The following POFUT3 variants were observed in gnomAD, a reference collection of about 807,000 sequenced individuals.
The protein encoded by POFUT3 is protein O-fucosyltransferase 3, also known as GDP-fucose protein O-fucosyltransferase 3.
the POFUT3 span, among the ~76,000 whole-genome samples, chr8:33,318,541 G>A: frequency 9.7e-6 from 1 of 103,598 alleles, no homozygotes; most frequent in African/African-American, 4.2e-5. Flanking sequence ...AATATAATTA[G>A]CTATTTTATA....
the POFUT3 span, among the ~76,000 whole-genome samples, chr8:33,442,186 C>T: frequency 6.6e-6 from 1 of 151,998 alleles, no homozygotes; most frequent in Non-Finnish European, 1.5e-5. Flanking sequence ...AGGCTTATCT[C>T]GAACTCCTGA....
chr8:33,322,963 A>G, the POFUT3 span, among the ~76,000 whole-genome samples: 1 of 151,784 alleles, frequency 6.6e-6, no homozygotes, highest in African/African-American at 2.4e-5. Context: ...TTCAAAGACA[A>G]CTAAGTGTTT....
chr8:33,364,400 T>C, the POFUT3 span, among the ~76,000 whole-genome samples: 3 of 152,202 alleles, frequency 2.0e-5, no homozygotes, highest in African/African-American at 7.2e-5. Flanking sequence ...CTATTCAATA[T>C]ACTGTTGGAA....
the POFUT3 span, among the ~76,000 whole-genome samples, chr8:33,431,814 G>T: frequency 6.6e-6 from 1 of 151,888 alleles, no homozygotes; most frequent in African/African-American, 2.4e-5. Flanking sequence ...AATAACAAGA[G>T]ATAAAACCAA....
the POFUT3 span, among the ~76,000 whole-genome samples, chr8:33,419,703 G>A: frequency 1.6e-4 from 24 of 152,264 alleles, no homozygotes; most frequent in Non-Finnish European, 3.2e-4. Context: ...ATTATGTATC[G>A]ATAAAAAGAA....
chr8:33,456,759 ATTTTC>A, the POFUT3 span, among the ~76,000 whole-genome samples: 1 of 139,236 alleles, frequency 7.2e-6, no homozygotes, highest in African/African-American at 2.7e-5. Context: ...AAAGCCTTTT[ATTTTC>A]TTTTTTCTTT....
chr8:33,433,515 G>A, the POFUT3 span, among the ~76,000 whole-genome samples: 1 of 152,150 alleles, frequency 6.6e-6, no homozygotes, highest in Non-Finnish European at 1.5e-5. Context: ...AGGAGGCTGA[G>A]GCAGGAGAAT....
At chr8:33,357,704 T>C in the POFUT3 span, among the ~76,000 whole-genome samples, 33 of 152,176 alleles carry the variant, frequency 2.2e-4, no homozygotes, top group African/African-American at 8.0e-4. Context: ...CACGTGCACA[T>C]ACACATGCAG....
the POFUT3 span, among the ~76,000 whole-genome samples, chr8:33,364,072 A>G: frequency 5.3e-3 from 812 of 152,300 alleles, 7 homozygotes; most frequent in African/African-American, 0.018. Flanking sequence ...CTTATCCACC[A>G]TGATCAAGTT....
At chr8:33,309,524 AACTCGAG>A in the POFUT3 span, among the ~76,000 whole-genome samples, 2 of 151,952 alleles carry the variant, frequency 1.3e-5, no homozygotes, top group Admixed American at 1.3e-4. Flanking sequence ...AAGAACCCTG[AACTCGAG>A]TCTTCTTCTC....
the POFUT3 span, among the ~76,000 whole-genome samples, chr8:33,434,323 C>T: frequency 6.6e-6 from 1 of 152,042 alleles, no homozygotes; most frequent in Non-Finnish European, 1.5e-5. Flanking sequence ...CTTGCAGGAC[C>T]CTCTTGAATC....
the POFUT3 span, chr8:33,453,008 A>T: frequency 3.7e-6 from 2 of 534,408 alleles, no homozygotes; most frequent in Non-Finnish European, 6.6e-6. Context: ...GGTGTTAGAG[A>T]ATTCAGAAGC....
chr8:33,392,696 C>G, the POFUT3 span, among the ~76,000 whole-genome samples: 2 of 151,698 alleles, frequency 1.3e-5, no homozygotes, highest in African/African-American at 4.8e-5. Flanking sequence ...GAACCATGAC[C>G]AACCTGGCCA....
chr8:33,362,381 C>G, the POFUT3 span, among the ~76,000 whole-genome samples: 1 of 152,032 alleles, frequency 6.6e-6, no homozygotes, highest in African/African-American at 2.4e-5. Context: ...AAATAACCAG[C>G]GAACATCATA....
At chr8:33,365,587 T>C in the POFUT3 span, among the ~76,000 whole-genome samples, 1 of 151,922 alleles carries the variant, frequency 6.6e-6, no homozygotes, top group Non-Finnish European at 1.5e-5. Context: ...CATCAAAAAG[T>C]GGACAAAGGA....
chr8:33,397,268 A>C, the POFUT3 span, among the ~76,000 whole-genome samples: 6 of 152,200 alleles, frequency 3.9e-5, no homozygotes, highest in Non-Finnish European at 8.8e-5. Flanking sequence ...TTCTTTCAAT[A>C]ATAAGAAAAA....
chr8:33,335,221 C>A, the POFUT3 span, among the ~76,000 whole-genome samples: 1 of 150,726 alleles, frequency 6.6e-6, no homozygotes, highest in Non-Finnish European at 1.5e-5. Context: ...AAGATTGCAG[C>A]ACAGTAATGA....
chr8:33,380,089 A>AC, the POFUT3 span, among the ~76,000 whole-genome samples: 4 of 57,154 alleles, frequency 7.0e-5, no homozygotes, highest in African/African-American at 3.5e-4. Context: ...TATATATACT[A>AC]TATATATACA....
At chr8:33,418,858 T>A in the POFUT3 span, among the ~76,000 whole-genome samples, 1 of 152,008 alleles carries the variant, frequency 6.6e-6, no homozygotes, top group Non-Finnish European at 1.5e-5. Context: ...ATAAAGCAAA[T>A]ATGACACATA....
Sources: allele counts gnomAD v4.1 joint callset (sites outside exome capture counted in the v4.1 genomes callset), GRCh38; gene constraint gnomAD v4.1.1; transcripts MANE v1.5; gene names NCBI Gene and HGNC (gene_info 2026-07-23, HGNC 2026-07-21).